Variants in GLIS1 observed in about 807,000 individuals in gnomAD.
The protein encoded by GLIS1 is GLIS family zinc finger 1, also known as zinc finger protein GLIS1.
GLIS1 carries 24 observed loss-of-function variants against 63.8 expected under a neutral mutation model. That is an observed-to-expected ratio of 0.38 (90% CI 0.27 to 0.53). GLIS1 has a LOEUF of 0.53. Among genes scored for constraint, GLIS1 ranks in the 20% least tolerant of loss-of-function variants. GLIS1 has a pLI of 0.85. For synonymous variants in GLIS1, 450 were observed against 482.5 expected, an observed-to-expected ratio of 0.93 and a Z score of 0.88; for missense variants, 1,036 against 1,074.1, an observed-to-expected ratio of 0.96 and a Z score of 0.50.
At chr1:53,608,124 C>T (rs1446463890) in intron 2 of GLIS1, among the ~76,000 whole-genome samples, 1 of 152,104 alleles carries the variant, frequency 6.6e-6, no homozygotes, top group African/African-American at 2.4e-5. Flanking sequence ...TACCACCATA[C>T]TTGGCTAATT....
chr1:53,696,651 C>G (rs969620668), intron 2 of GLIS1, among the ~76,000 whole-genome samples: 1 of 138,776 alleles, frequency 7.2e-6, no homozygotes, highest in Admixed American at 7.0e-5. Flanking sequence ...AACTTTATTT[C>G]TCTCCTTCCC....
intron 2 of GLIS1, among the ~76,000 whole-genome samples, chr1:53,702,569 A>G (rs1226974966): frequency 1.3e-5 from 2 of 152,148 alleles, no homozygotes; most frequent in Non-Finnish European, 2.9e-5. Context: ...GAGTTTCCCT[A>G]TCACTGCTCT....
At chr1:53,678,357 C>T (rs1048343134) in intron 2 of GLIS1, among the ~76,000 whole-genome samples, 8 of 91,130 alleles carry the variant, frequency 8.8e-5, no homozygotes, top group African/African-American at 2.5e-4. Context: ...CAGGGGGGAG[C>T]GGGGTCACTG....
intron 2 of GLIS1, among the ~76,000 whole-genome samples, chr1:53,643,894 T>C (rs951872802): frequency 8.5e-5 from 13 of 152,256 alleles, no homozygotes; most frequent in African/African-American, 2.4e-4. Context: ...CCCCACACGA[T>C]AGAAGAGGAA....
intron 2 of GLIS1, among the ~76,000 whole-genome samples, chr1:53,644,569 G>GGCCT (rs1645822042): frequency 6.7e-6 from 1 of 150,364 alleles, no homozygotes. Flanking sequence ...AAAAACAACT[G>GGCCT]AGTAGAGTAA....
intron 2 of GLIS1, among the ~76,000 whole-genome samples, chr1:53,712,776 C>T (rs1302955232): frequency 6.6e-6 from 1 of 152,148 alleles, no homozygotes; most frequent in African/African-American, 2.4e-5. Flanking sequence ...TCTGGTCCTA[C>T]CCAGGCTCTG....
At chr1:53,706,552 G>A (rs1028922141) in intron 2 of GLIS1, among the ~76,000 whole-genome samples, 2 of 152,156 alleles carry the variant, frequency 1.3e-5, no homozygotes, top group African/African-American at 4.8e-5. Flanking sequence ...CAGCTGAGGG[G>A]GTGACTCCAC....
chr1:53,706,576 C>T (rs768225525), intron 2 of GLIS1, among the ~76,000 whole-genome samples: 1 of 152,222 alleles, frequency 6.6e-6, no homozygotes, highest in East Asian at 1.9e-4. Context: ...CAAGGCCCCA[C>T]CAGGGACCAC....
chr1:53,613,228 A>G (rs1557481218), intron 2 of GLIS1, among the ~76,000 whole-genome samples: 1 of 152,236 alleles, frequency 6.6e-6, no homozygotes, highest in Non-Finnish European at 1.5e-5. Flanking sequence ...AATAATTTTA[A>G]TGACTCTATA....
intron 2 of GLIS1, among the ~76,000 whole-genome samples, chr1:53,723,960 C>T (rs758411573): frequency 2.2e-4 from 34 of 152,158 alleles, no homozygotes; most frequent in African/African-American, 7.0e-4. Flanking sequence ...CTGGGTTACC[C>T]GCTAAGGAAC....
At chr1:53,562,758 G>C (rs494082) in intron 4 of GLIS1, among the ~76,000 whole-genome samples, 2,435 of 152,296 alleles carry the variant, frequency 0.016, 67 homozygotes, top group African/African-American at 0.054. Flanking sequence ...TTCCTCATTT[G>C]TCAATGGAGG....
At chr1:53,571,095 G>A (rs1209533925) in intron 4 of GLIS1, among the ~76,000 whole-genome samples, 1 of 152,020 alleles carries the variant, frequency 6.6e-6, no homozygotes, top group Non-Finnish European at 1.5e-5. Context: ...TAGAAAAATG[G>A]GCAGAGGACG....
rs150574726 is a variant in GLIS1, at chr1:53,506,638, G to A, written c.2369C>T (p.Ser790Phe). Residue 790 changes from serine to phenylalanine, a missense_variant, in exon 11 of 11, where the codon TCC (serine) becomes TTC (phenylalanine). Ser to Phe is a radical substitution (Grantham distance 155). Coordinates refer to ENST00000628545, the MANE Select transcript of GLIS1 (RefSeq NM_001367484.1). ...AFDHCLGHIP[S>F]IYTDT ...GCTCCTTCAGGTGTCTGTGTAGATG[G>A]AGGGGATGTGGCCCAGGCAGTGGTC... is the stretch of plus-strand genomic sequence containing the variant. 6.5e-6 allele frequency: 10 copies of A among 1,540,130 alleles called. No homozygotes were observed. The African/African-American group carries it at 1.5e-4, about 24-fold the overall frequency.
intron 2 of GLIS1, among the ~76,000 whole-genome samples, chr1:53,633,456 G>A (rs1645691067): frequency 6.9e-6 from 1 of 144,666 alleles, no homozygotes; most frequent in South Asian, 2.1e-4. Context: ...TGACTGAGGG[G>A]TGTGAATGAG....
intron 2 of GLIS1, among the ~76,000 whole-genome samples, chr1:53,640,361 A>T (rs532442169): frequency 8.0e-4 from 120 of 150,228 alleles, no homozygotes; most frequent in African/African-American, 2.8e-3. Flanking sequence ...ACCAAATGGG[A>T]GGAATATAAA....
chr1:53,586,954 T>C (rs1373943628), intron 4 of GLIS1, among the ~76,000 whole-genome samples: 2 of 143,850 alleles, frequency 1.4e-5, no homozygotes, highest in Non-Finnish European at 3.1e-5. Context: ...CACTTGGCCA[T>C]GTTAGGAACC....
At chr1:53,718,295 T>C (rs1029891626) in intron 2 of GLIS1, among the ~76,000 whole-genome samples, 6 of 152,038 alleles carry the variant, frequency 3.9e-5, no homozygotes, top group Non-Finnish European at 5.9e-5. Context: ...GTCAGCAGGG[T>C]GTGAATGCAC....
At chr1:53,519,523 C>T (rs536842338) in intron 7 of GLIS1, among the ~76,000 whole-genome samples, 1 of 152,234 alleles carries the variant, frequency 6.6e-6, no homozygotes, top group Non-Finnish European at 1.5e-5. Flanking sequence ...ACTGTGGTTT[C>T]TTTAGGGGAG....
intron 2 of GLIS1, among the ~76,000 whole-genome samples, chr1:53,732,015 A>T (rs702489): frequency 6.6e-6 from 1 of 152,156 alleles, no homozygotes; most frequent in Non-Finnish European, 1.5e-5. Context: ...AAGATGCTAC[A>T]CAATGGCTCA....
Sources: allele counts gnomAD v4.1 joint callset (sites outside exome capture counted in the v4.1 genomes callset), GRCh38; gene constraint gnomAD v4.1.1; transcripts MANE v1.5; gene names NCBI Gene and HGNC (gene_info 2026-07-23, HGNC 2026-07-21).